Variants in EXOSC5 observed in about 807,000 individuals in gnomAD.
EXOSC5 encodes the protein exosome component 5.
A neutral mutation model predicts 23.7 loss-of-function variants in EXOSC5; 15 were observed. That is an observed-to-expected ratio of 0.63 (90% CI 0.42 to 0.97). The LOEUF (loss-of-function observed/expected upper bound fraction) is 0.97, where lower values mean the gene tolerates loss of function less well. Ranked by LOEUF, EXOSC5 falls within the 50% of genes least tolerant of loss-of-function variation. The pLI is 0.00. For missense variants in EXOSC5, 305 were observed against 316.3 expected (o/e 0.96, Z 0.27); for synonymous variants, 143 against 140.9 (o/e 1.02, Z -0.11).
intron 4 of EXOSC5, among the ~76,000 whole-genome samples, chr19:41,388,740 A>T (rs1468315984): frequency 6.6e-6 from 1 of 152,184 alleles, no homozygotes; most frequent in Non-Finnish European, 1.5e-5. Context: ...GAAAACTCAG[A>T]ATAACTTGAG....
chr19:41,394,370 C>G (rs562824651), intron 1 of EXOSC5, among the ~76,000 whole-genome samples: 1 of 150,794 alleles, frequency 6.6e-6, no homozygotes, highest in Non-Finnish European at 1.5e-5. Context: ...AACAGCAAGG[C>G]TTAGTCTCAA....
At chr19:41,394,220 A>G (rs983294614) in intron 1 of EXOSC5, among the ~76,000 whole-genome samples, 6 of 151,878 alleles carry the variant, frequency 4.0e-5, no homozygotes, top group Non-Finnish European at 8.8e-5. Context: ...TCTACTAAAG[A>G]TACAAAAATT....
chr19:41,387,596 C>T lies in EXOSC5; in HGVS notation c.533G>A (p.Arg178Gln), dbSNP rs201468947. 1.3e-4 allele frequency: 205 copies of T among 1,597,286 alleles called. No homozygotes were observed. In the Middle Eastern group the frequency reaches 1.5e-3, roughly 12 times the overall value. ...DPTSKQEKEA[R>Q]AVLTFALDSV... is the part of the protein sequence containing the mutation. ...GTCCAGGGCAAAGGTCAGGACTGCC[C>T]GGGCCTCCTAGGGACAAGGGGTAGA... Residue 178 changes from arginine (R) to glutamine (Q), a missense_variant, in exon 5 of 6, where the codon CGG becomes CAG. Transcript: ENST00000221233.
intron 3 of EXOSC5, 106 bp from the exon 4 acceptor site, chr19:41,390,011 C>A: frequency 7.5e-7 from 1 of 1,327,732 alleles, no homozygotes; most frequent in Non-Finnish European, 9.9e-7. Context: ...CGGCTCACTG[C>A]AACCTCCACC....
At chr19:41,391,803 G>A in intron 3 of EXOSC5, 38 bp downstream of exon 3, 1 of 1,478,918 alleles carries the variant, frequency 6.8e-7, no homozygotes, top group Non-Finnish European at 8.9e-7. Context: ...AAGCAATCAG[G>A]AGACTTCCTG....
rs3837930 is a variant in EXOSC5 at position 41,397,036 on chromosome 19, G to GT, written c.148+144dup. ...GAGGGAGAGATGTGTGTATCCCTGC[G>GT]TATTTAGTAGTATTCAATCGGACAA... On this transcript the variant is annotated intron_variant, in intron 1 of 5. Transcript: ENST00000221233. The GT allele has an allele frequency of 7.7e-4, 649 of 848,084 alleles. 3 individuals carry two copies. In the East Asian group the frequency reaches 0.014, roughly 19 times the overall value. 52.5% of individuals were successfully genotyped at this position (848,084 alleles called of 1,614,324 possible).
chr19:41,386,781 T>C, intron 5 of EXOSC5, 56 bp from the exon 6 acceptor site: 1 of 1,500,148 alleles, frequency 6.7e-7, no homozygotes, highest in Non-Finnish European at 9.0e-7. Context: ...CACACACGAC[T>C]TGGCTGACCC....
At chr19:41,386,768 AT>A (rs1485111607) in intron 5 of EXOSC5, 43 bp from the exon 6 acceptor site, 1 of 1,527,070 alleles carries the variant, frequency 6.5e-7, no homozygotes, top group Admixed American at 2.0e-5. Context: ...CGAGCCCTTC[AT>A]GCACACACGA....
chr19:41,396,411 T>C (rs2039064772), intron 1 of EXOSC5, among the ~76,000 whole-genome samples: 1 of 152,108 alleles, frequency 6.6e-6, no homozygotes, highest in South Asian at 2.1e-4. Context: ...GGTTTCGCCA[T>C]GTTGGCCAGG....
At chr19:41,386,803 C>T in intron 5 of EXOSC5, 78 bp from the exon 6 acceptor site, 1 of 1,251,522 alleles carries the variant, frequency 8.0e-7, no homozygotes, top group Admixed American at 2.1e-5. Context: ...GGAGGTTCTG[C>T]TGACCCCACC....
chr19:41,389,659 G>A (rs999894046), intron 4 of EXOSC5, 106 bp downstream of exon 4: 25 of 1,463,812 alleles, frequency 1.7e-5, no homozygotes, highest in Admixed American at 2.3e-5. Context: ...TGCTAAGTGG[G>A]ATTGAGGTGG....
chr19:41,397,175 T>A lies in EXOSC5; in HGVS notation c.148+6A>T. Reference sequence around the variant, plus strand: ...TCCAAAAGAAAGACCTGGGTGAAGTTCTTACCTTGCAGGAAGGAAGCAGAG... The same window carrying A: ...TCCAAAAGAAAGACCTGGGTGAAGTACTTACCTTGCAGGAAGGAAGCAGAG... On this transcript the variant is annotated splice_donor_region_variant and intron_variant, in intron 1 of 5. Transcript: ENST00000221233. 1 of 1,613,644 alleles carries A rather than the reference T, an allele frequency of 6.2e-7. No homozygotes were observed. Among genetic ancestry groups the A allele is most frequent in the Non-Finnish European group, 8.5e-7 (1 of 1,179,608 alleles).
At chr19:41,391,517 C>A (rs2039022286) in intron 3 of EXOSC5, 2 of 271,790 alleles carry the variant, frequency 7.4e-6, no homozygotes, top group African/African-American at 2.2e-5. Context: ...AGTTTTGTCA[C>A]CTGAAACATG....
intron 1 of EXOSC5, among the ~76,000 whole-genome samples, chr19:41,396,794 A>T (rs1263121284): frequency 7.7e-6 from 1 of 130,088 alleles, no homozygotes; most frequent in Admixed American, 8.7e-5. Context: ...ATGCAAATAG[A>T]CAGGTTTGCT....
At chr19:41,387,919 C>T (rs1388064318) in intron 4 of EXOSC5, among the ~76,000 whole-genome samples, 1 of 151,946 alleles carries the variant, frequency 6.6e-6, no homozygotes, top group Non-Finnish European at 1.5e-5. Context: ...TGTGATCGTA[C>T]TACACTCCAG....
chr19:41,387,643 C>A, intron 4 of EXOSC5, 40 bp from the exon 5 acceptor site: 1 of 1,425,124 alleles, frequency 7.0e-7, no homozygotes, highest in Non-Finnish European at 9.5e-7. Flanking sequence ...GACCTAGGAC[C>A]TTCCCCTCAG....
intron 1 of EXOSC5, 141 bp downstream of exon 1, chr19:41,397,040 T>G: frequency 3.4e-6 from 3 of 890,466 alleles, no homozygotes; most frequent in Non-Finnish European, 5.1e-6. Context: ...CCCTGCGTAT[T>G]TAGTAGTATT....
At chr19:41,388,295 T>G (rs1043021644) in intron 4 of EXOSC5, among the ~76,000 whole-genome samples, 1 of 152,232 alleles carries the variant, frequency 6.6e-6, no homozygotes, top group Non-Finnish European at 1.5e-5. Context: ...CCACAGGGGC[T>G]GGAAGCCAGC....
intron 1 of EXOSC5, 100 bp downstream of exon 1, chr19:41,397,081 G>A (rs1174708389): frequency 7.3e-7 from 1 of 1,374,860 alleles, no homozygotes. Context: ...CATCAACGCA[G>A]GAGTGACATT....
Sources: allele counts gnomAD v4.1 joint callset (sites outside exome capture counted in the v4.1 genomes callset), GRCh38; gene constraint gnomAD v4.1.1; transcripts MANE v1.5; gene names NCBI Gene and HGNC (gene_info 2026-07-23, HGNC 2026-07-21).